The following RHOH variants were observed in gnomAD, a reference collection of about 807,000 sequenced individuals.
RHOH encodes rho-related GTP-binding protein RhoH.
RHOH carries 6 observed loss-of-function variants against 13.8 expected under a neutral mutation model. That is an observed-to-expected ratio of 0.44 (90% confidence interval 0.24 to 0.86). The LOEUF (loss-of-function observed/expected upper bound fraction) is 0.86, where lower values mean the gene tolerates loss of function less well. RHOH is among the 40% of genes least tolerant of loss of function. The pLI, the probability that RHOH is intolerant of heterozygous loss-of-function variation, is 0.24. For synonymous variants in RHOH, 117 were observed against 103.0 expected, an observed-to-expected ratio of 1.14 and a Z score of -0.82; for missense variants, 147 against 244.5, an observed-to-expected ratio of 0.60 and a Z score of 2.66.
rs1031001720 is a variant in RHOH at position 40,244,188 on chromosome 4, G to T, written c.*226G>T. On this transcript the variant is annotated 3_prime_UTR_variant, in exon 3 of 3. Coordinates refer to ENST00000381799, the MANE Select transcript of RHOH (RefSeq NM_004310.5). ...CAGTTAGAAAATCCCTTGGGGAACTGTGATGAATATTCCATCTTTGATTAA... is the reference window on the plus strand; with the variant it reads ...CAGTTAGAAAATCCCTTGGGGAACTTTGATGAATATTCCATCTTTGATTAA... The T allele has an allele frequency of 3.5e-5, 15 of 428,880 alleles. No individual in the cohort carries two copies. Among genetic ancestry groups the T allele is most frequent in the African/African-American group, 6.1e-5 (3 of 49,398 alleles). 26.6% of individuals were successfully genotyped at this position (428,880 alleles called of 1,614,324 possible).
At chr4:40,234,424 A>C (rs1485498466) in intron 1 of RHOH, among the ~76,000 whole-genome samples, 3 of 152,014 alleles carry the variant, frequency 2.0e-5, no homozygotes, top group Admixed American at 2.0e-4. Context: ...ATTGAACCGG[A>C]CTAAGAACTC....
intron 1 of RHOH, chr4:40,200,636 A>G (rs1469790000): frequency 6.6e-6 from 1 of 152,224 alleles, no homozygotes; most frequent in Non-Finnish European, 1.5e-5. Context: ...TTCACACAGC[A>G]AGTATTTTCC....
rs139086027 is a variant in RHOH, at chr4:40,229,998, A to G, written c.-330-12716A>G. 5.5e-3 allele frequency among the ~76,000 whole-genome samples: 838 copies of G among 152,250 alleles called. 11 individuals carry two copies. The highest frequency in any genetic ancestry group is 0.019 in the African/African-American group (782 of 41,540). ...CAATAGTTCTTAAATGTCATCTAAT[A>G]CCCAGGCCATATTCATATTTATTTG... On this transcript the variant is annotated intron_variant, in intron 1 of 2. Transcript: ENST00000381799.
At chr4:40,197,650 T>C (rs1723370967) in intron 1 of RHOH, among the ~76,000 whole-genome samples, 1 of 152,180 alleles carries the variant, frequency 6.6e-6, no homozygotes, top group African/African-American at 2.4e-5. Flanking sequence ...CTAAAGATGC[T>C]CTAAGTTGTG....
Position 40,243,497 on chromosome 4 carries a change from G to T in RHOH, c.111G>T (p.Val37=). 6.2e-7 allele frequency: 1 copy of T among 1,613,926 alleles called. No homozygotes were observed. The highest frequency in any genetic ancestry group is 8.5e-7 in the Non-Finnish European group (1 of 1,179,982). ...TCCCGGAGGCCTACAAGCCCACAGT[G>T]TACGAGAACACAGGGGTGGACGTCT... ...ETFPEAYKPT[V]YENTGVDVFM... Residue 37 remains valine, a synonymous_variant, in exon 3 of 3, where the codon GTG becomes GTT. Coordinates refer to ENST00000381799, the MANE Select transcript of RHOH (RefSeq NM_004310.5). This position sits in a 1 kb window ranked among gnomAD's most constrained non-coding sequence, Gnocchi z 6.2.
Position 40,243,909 on chromosome 4 carries a change from A to G in RHOH, c.523A>G (p.Arg175Gly), listed in dbSNP as rs1318072185. ...CAVRTAVNQA[R>G]RRNRRRLFSI... ...CGTCCGAACTGCCGTCAACCAGGCC[A>G]GGAGACGAAACAGAAGGAGGCTCTT... is the stretch of plus-strand genomic sequence containing the variant. The change falls in exon 3 of 3, where the codon AGG becomes GGG. Residue 175 changes from arginine to glycine, a missense_variant. By Grantham distance (125) the Arg-to-Gly change is moderately radical (BLOSUM62 -2). Transcript: ENST00000381799. The surrounding 1 kb of genome is among the most constrained non-coding windows in gnomAD (Gnocchi z 6.2). 2 of 1,614,180 alleles carry G rather than the reference A, an allele frequency of 1.2e-6. No individual in the cohort carries two copies. The highest frequency in any genetic ancestry group is 1.3e-5 in the African/African-American group (1 of 75,068).
intron 1 of RHOH, among the ~76,000 whole-genome samples, chr4:40,209,000 C>A (rs1460798455): frequency 6.6e-6 from 1 of 151,750 alleles, no homozygotes; most frequent in African/African-American, 2.4e-5. Flanking sequence ...AAATGTTTTT[C>A]ATTTTTTCCT....
chr4:40,229,286 T>C lies in RHOH; in HGVS notation c.-330-13428T>C, dbSNP rs117380321. Among the ~76,000 whole-genome samples, 18 of 152,296 alleles carry C rather than the reference T, an allele frequency of 1.2e-4. No individual in the cohort carries two copies. The East Asian group carries it at 3.1e-3, about 26-fold the overall frequency. On this transcript the variant is annotated intron_variant, in intron 1 of 2. Coordinates refer to ENST00000381799, the MANE Select transcript of RHOH (RefSeq NM_004310.5). ...AGTCACTATAGCGTAAAGTATACTT[T>C]TCTCTTTTGGTGATGCTTTTCTGCA...
chr4:40,236,919 G>A (rs1728655312), intron 1 of RHOH, among the ~76,000 whole-genome samples: 1 of 152,218 alleles, frequency 6.6e-6, no homozygotes, highest in South Asian at 2.1e-4. Context: ...AGGAATAGGT[G>A]TGCAGTTAGG....
intron 1 of RHOH, among the ~76,000 whole-genome samples, chr4:40,227,263 G>T: frequency 6.6e-6 from 1 of 152,216 alleles, no homozygotes; most frequent in Admixed American, 6.5e-5. Flanking sequence ...AAAAGGCAAA[G>T]AAATAAAGGT....
chr4:40,243,503 G>A lies in RHOH; in HGVS notation c.117G>A (p.Glu39=), dbSNP rs1486079020. Residue 39 remains glutamate, a synonymous_variant, in exon 3 of 3, where the codon GAG becomes GAA. Transcript: ENST00000381799. This position sits in a 1 kb window ranked among gnomAD's most constrained non-coding sequence, Gnocchi z 6.2. The part of the protein sequence containing the change: ...FPEAYKPTVY[E]NTGVDVFMDG... ...AGGCCTACAAGCCCACAGTGTACGA[G>A]AACACAGGGGTGGACGTCTTCATGG... 3 of 1,613,938 alleles carry A rather than the reference G, an allele frequency of 1.9e-6. No homozygotes were observed. Among genetic ancestry groups the A allele is most frequent in the African/African-American group, 1.3e-5 (1 of 74,920 alleles).
upstream of RHOH, among the ~76,000 whole-genome samples, chr4:40,195,367 TTCC>T (rs1723019546): frequency 2.8e-5 from 3 of 108,172 alleles, no homozygotes; most frequent in South Asian, 1.0e-3. Flanking sequence ...CCTTCCTTCC[TTCC>T]TTCCTTCCTT....
chr4:40,245,523 A>T lies in RHOH; in HGVS notation c.*1561A>T, dbSNP rs1298490516. The T allele has an allele frequency of 6.9e-6, 1 of 145,320 alleles. No individual in the cohort carries two copies. The highest frequency in any genetic ancestry group is 1.5e-5 in the Non-Finnish European group (1 of 67,008). 9.0% of individuals were successfully genotyped at this position (145,320 alleles called of 1,614,324 possible). A position where few individuals can be genotyped will look rare whatever the true frequency, so the allele number is the denominator to read the frequency against. On this transcript the variant is annotated 3_prime_UTR_variant, in exon 3 of 3. Coordinates refer to ENST00000381799, the MANE Select transcript of RHOH (RefSeq NM_004310.5). ...CACTGCACTCCAGCCTGGGCAACAG[A>T]GGGAGACTCCATCTCAAAAAAAAAA... is the stretch of plus-strand genomic sequence containing the variant.
chr4:40,243,634 A>T lies in RHOH; in HGVS notation c.248A>T (p.Tyr83Phe). 1 of 1,614,104 alleles carries T rather than the reference A, an allele frequency of 6.2e-7. No individual in the cohort carries two copies. ...YQQADVVLMC[Y>F]SVANHNSFLN... Reference sequence around the variant, plus strand: ...CAGGCAGACGTGGTGCTGATGTGCTACTCTGTGGCCAACCATAACTCATTC... The same window carrying T: ...CAGGCAGACGTGGTGCTGATGTGCTTCTCTGTGGCCAACCATAACTCATTC... Residue 83 changes from tyrosine (Y) to phenylalanine (F), a missense_variant, in exon 3 of 3, where the codon TAC (tyrosine) becomes TTC (phenylalanine). Tyr to Phe is a conservative substitution (Grantham distance 22). This residue lies in a region of RHOH where 80 missense variants were observed against 152.0 expected (regional missense o/e 0.53). Coordinates refer to ENST00000381799, the MANE Select transcript of RHOH (RefSeq NM_004310.5). The surrounding 1 kb of genome is among the most constrained non-coding windows in gnomAD (Gnocchi z 6.2).
In RHOH at chr4:40,206,663, G is replaced by T. The variant is rs1466907863; in HGVS notation, c.-331+9363G>T. On this transcript the variant is annotated intron_variant, in intron 1 of 2. Transcript: ENST00000381799. The stretch of plus-strand genomic sequence containing the variant: ...AAGTAGGAGAGAGGGTTGGAGGCAC[G>T]TACAGGAAATAGGAGGGGAAAAGCC... Among the ~76,000 whole-genome samples, 9 of 152,178 alleles carry T rather than the reference G, an allele frequency of 5.9e-5. No individual in the cohort carries two copies. In the South Asian group the frequency reaches 1.0e-3, roughly 18 times the overall value.
chr4:40,203,116 T>C (rs915432556), intron 1 of RHOH, among the ~76,000 whole-genome samples: 1 of 152,148 alleles, frequency 6.6e-6, no homozygotes, highest in East Asian at 1.9e-4. Flanking sequence ...GGAATACAGG[T>C]GCCCGCCACC....
At chr4:40,201,958 T>G (rs1724053682) in intron 1 of RHOH, among the ~76,000 whole-genome samples, 1 of 150,646 alleles carries the variant, frequency 6.6e-6, no homozygotes, top group Non-Finnish European at 1.5e-5. Context: ...TTTTTTTTTT[T>G]TTTTTTTTTT....
upstream of RHOH, among the ~76,000 whole-genome samples, chr4:40,194,363 G>A (rs1230222770): frequency 6.6e-6 from 1 of 151,938 alleles, no homozygotes; most frequent in Non-Finnish European, 1.5e-5. Context: ...CGAGTAGCTG[G>A]GATTACAGGC....
At chr4:40,235,698 G>C (rs754643201) in intron 1 of RHOH, among the ~76,000 whole-genome samples, 8 of 150,220 alleles carry the variant, frequency 5.3e-5, no homozygotes, top group Non-Finnish European at 1.0e-4. Flanking sequence ...GTACAACCTA[G>C]GGCAGTAGCT....
Sources: gnomAD v4.1 joint callset for allele counts (sites outside exome capture counted in the v4.1 genomes callset) on GRCh38, gnomAD v4.1.1 for gene constraint, gnomAD v4.1.1 regional missense constraint, Gnocchi (gnomAD v3.1) non-coding constraint, MANE v1.5 for transcripts, NCBI Gene and HGNC (gene_info 2026-07-23, HGNC 2026-07-21) for gene names.